Variants in PPARGC1A observed in about 807,000 individuals in gnomAD.
PPARGC1A encodes the protein PPARG coactivator 1 alpha, also known as peroxisome proliferator-activated receptor gamma coactivator 1-alpha.
In PPARGC1A, 25 loss-of-function variants were observed where a neutral mutation model predicts 88.7. The observed-to-expected ratio is 0.28, with a 90% CI of 0.21 to 0.39. The LOEUF (loss-of-function observed/expected upper bound fraction) is 0.39, where lower values mean the gene tolerates loss of function less well. Among genes scored for constraint, PPARGC1A ranks in the 10% least tolerant of loss-of-function variants. The pLI is 1.00. For synonymous variants in PPARGC1A, 363 were observed against 355.6 expected, an observed-to-expected ratio of 1.02 and a Z score of -0.24; for missense variants, 880 against 968.7, an observed-to-expected ratio of 0.91 and a Z score of 1.22.
intron 10 of PPARGC1A, among the ~76,000 whole-genome samples, chr4:23,802,734 A>G (rs1719040398): frequency 6.6e-6 from 1 of 151,888 alleles, no homozygotes; most frequent in Admixed American, 6.6e-5. Flanking sequence ...TAAATGTACA[A>G]TCATGCATAA....
the PPARGC1A span, among the ~76,000 whole-genome samples, chr4:24,425,623 T>C: frequency 6.6e-6 from 1 of 152,206 alleles, no homozygotes; most frequent in Non-Finnish European, 1.5e-5. Context: ...ATAGCATGCA[T>C]ACATATGTAA....
At chr4:24,107,961 A>C in the PPARGC1A span, among the ~76,000 whole-genome samples, 3 of 152,174 alleles carry the variant, frequency 2.0e-5, no homozygotes, top group African/African-American at 7.2e-5. Context: ...TGGAAGGAAA[A>C]AATTCAATAG....
chr4:24,024,899 G>C, the PPARGC1A span, among the ~76,000 whole-genome samples: 1 of 152,296 alleles, frequency 6.6e-6, no homozygotes, highest in South Asian at 2.1e-4. Flanking sequence ...CCTAATCTGT[G>C]CATGCTGTAT....
chr4:24,203,096 T>C, the PPARGC1A span, among the ~76,000 whole-genome samples: 1 of 152,144 alleles, frequency 6.6e-6, no homozygotes, highest in South Asian at 2.1e-4. Context: ...GGAATCATTA[T>C]CAATTTAACA....
chr4:24,017,088 G>A, the PPARGC1A span, among the ~76,000 whole-genome samples: 1 of 152,176 alleles, frequency 6.6e-6, no homozygotes. Context: ...CGATGTATTG[G>A]AGAGCGTGGG....
At chr4:24,315,060 T>C in the PPARGC1A span, among the ~76,000 whole-genome samples, 1 of 148,656 alleles carries the variant, frequency 6.7e-6, no homozygotes, top group Non-Finnish European at 1.5e-5. Flanking sequence ...AGACTAAAAA[T>C]CAAGGATCAG....
At chr4:23,992,489 G>T in the PPARGC1A span, among the ~76,000 whole-genome samples, 1 of 151,758 alleles carries the variant, frequency 6.6e-6, no homozygotes, top group South Asian at 2.1e-4. Context: ...CAGAAAACTG[G>T]CACCTCGAGT....
chr4:24,296,061 T>G, the PPARGC1A span, among the ~76,000 whole-genome samples: 1 of 151,230 alleles, frequency 6.6e-6, no homozygotes, highest in African/African-American at 2.4e-5. Flanking sequence ...TGTGTATATA[T>G]GTGTATATGT....
At chr4:24,130,895 G>T in the PPARGC1A span, among the ~76,000 whole-genome samples, 19 of 152,226 alleles carry the variant, frequency 1.2e-4, no homozygotes, top group Admixed American at 2.0e-4. Context: ...CAGCCATGCT[G>T]AGCCATATGG....
the PPARGC1A span, among the ~76,000 whole-genome samples, chr4:23,957,409 G>C: frequency 6.6e-6 from 1 of 152,038 alleles, no homozygotes; most frequent in Admixed American, 6.6e-5. Context: ...GGTAGGTAGG[G>C]TATTCAAGAA....
At chr4:24,059,135 A>G in the PPARGC1A span, among the ~76,000 whole-genome samples, 1 of 152,316 alleles carries the variant, frequency 6.6e-6, no homozygotes, top group South Asian at 2.1e-4. Flanking sequence ...CTTTAAGAGA[A>G]GATGCCAATA....
At chr4:24,036,254 T>C in the PPARGC1A span, among the ~76,000 whole-genome samples, 1 of 152,214 alleles carries the variant, frequency 6.6e-6, no homozygotes, top group Non-Finnish European at 1.5e-5. Context: ...AGAGTTGACA[T>C]AAAGGTAGAG....
At chr4:24,378,482 A>T in the PPARGC1A span, among the ~76,000 whole-genome samples, 2 of 139,918 alleles carry the variant, frequency 1.4e-5, no homozygotes, top group Non-Finnish European at 3.0e-5. Flanking sequence ...AACCATGGTT[A>T]AAAAAAAAAC....
the PPARGC1A span, among the ~76,000 whole-genome samples, chr4:24,089,495 C>A: frequency 1.1e-5 from 1 of 89,624 alleles, no homozygotes; most frequent in Admixed American, 1.2e-4. Context: ...CTTTTCTTTT[C>A]TTTTCTTTTC....
At chr4:24,417,029 C>CAAA in the PPARGC1A span, among the ~76,000 whole-genome samples, 57 of 123,820 alleles carry the variant, frequency 4.6e-4, 1 homozygote, top group South Asian at 0.014. Flanking sequence ...GATTCCATCT[C>CAAA]AAAAAAAAAA....
At chr4:24,460,198 A>C in the PPARGC1A span, among the ~76,000 whole-genome samples, 1 of 152,204 alleles carries the variant, frequency 6.6e-6, no homozygotes, top group Non-Finnish European at 1.5e-5. Flanking sequence ...AATGTTTAAT[A>C]TCATTGTAAA....
At chr4:24,327,843 G>A in the PPARGC1A span, among the ~76,000 whole-genome samples, 1 of 152,100 alleles carries the variant, frequency 6.6e-6, no homozygotes, top group Non-Finnish European at 1.5e-5. Flanking sequence ...CTGAGCCCAA[G>A]CCAAGCCATC....
chr4:24,050,665 C>A, the PPARGC1A span, among the ~76,000 whole-genome samples: 105 of 152,192 alleles, frequency 6.9e-4, no homozygotes, highest in African/African-American at 2.2e-3. Context: ...CCAATCTGAC[C>A]CCTCATTCTC....
At chr4:24,434,092 C>T in the PPARGC1A span, among the ~76,000 whole-genome samples, 2 of 152,272 alleles carry the variant, frequency 1.3e-5, no homozygotes, top group South Asian at 4.1e-4. Context: ...CTGATTAGAA[C>T]TGCTCTCTCT....
Sources: allele counts gnomAD v4.1 joint callset (sites outside exome capture counted in the v4.1 genomes callset), GRCh38; gene constraint gnomAD v4.1.1; transcripts MANE v1.5; gene names NCBI Gene and HGNC (gene_info 2026-07-23, HGNC 2026-07-21).